Variants in DR1 observed in about 807,000 individuals in gnomAD.
DR1 encodes the protein down-regulator of transcription 1.
DR1 carries 7 observed loss-of-function variants against 19.9 expected under a neutral mutation model. The observed-to-expected ratio is 0.35, with a 90% CI of 0.20 to 0.66. The LOEUF (loss-of-function observed/expected upper bound fraction) is 0.66. DR1 is among the 30% of genes least tolerant of loss of function. DR1 has a pLI of 0.66. For synonymous variants in DR1, 76 were observed against 72.5 expected, an observed-to-expected ratio of 1.05 and a Z score of -0.24; for missense variants, 98 against 203.7, an observed-to-expected ratio of 0.48 and a Z score of 3.16.
chr1:93,357,149 C>A (rs1021311216), intron 2 of DR1, among the ~76,000 whole-genome samples: 4 of 152,160 alleles, frequency 2.6e-5, no homozygotes, highest in Admixed American at 2.6e-4. Flanking sequence ...GGATGACAGT[C>A]ATTATTAGGG....
chr1:93,364,341 G>A lies in DR1; in HGVS notation c.*3702G>A, dbSNP rs573845483. On this transcript the variant is annotated 3_prime_UTR_variant, in exon 3 of 3. Coordinates refer to ENST00000370272, the MANE Select transcript of DR1 (RefSeq NM_001938.3). ...TTTAAGTAATCGTAAGTAGTATGTT[G>A]AATTAGTATGTTGTGGGAAAATCTG... The A allele has an allele frequency of 2.0e-5, 3 of 152,132 alleles. No homozygotes were observed. Among genetic ancestry groups the A allele is most frequent in the Non-Finnish European group, 4.4e-5 (3 of 68,018 alleles). The allele number at this position is 152,132 out of a possible 1,614,324, so 9.4% of individuals were successfully genotyped here.
chr1:93,346,402 G>A lies in DR1; in HGVS notation c.-244G>A. 2 of 527,566 alleles carry A rather than the reference G, an allele frequency of 3.8e-6. No homozygotes were observed. The highest frequency in any genetic ancestry group is 3.4e-6 in the Non-Finnish European group (1 of 292,142). 32.7% of individuals were successfully genotyped at this position (527,566 alleles called of 1,614,324 possible). A position where few individuals can be genotyped will look rare whatever the true frequency, so the allele number is the denominator to read the frequency against. ...CACCGCGCTTTCCCCTCCTCAGCCT[G>A]GGCTGTGCTCTCTCTAGAATCCTCG... On this transcript the variant is annotated 5_prime_UTR_variant, in exon 1 of 3. Coordinates refer to ENST00000370272, the MANE Select transcript of DR1 (RefSeq NM_001938.3).
At chr1:93,355,856 T>C (rs1415188587) in intron 2 of DR1, 2 of 152,192 alleles carry the variant, frequency 1.3e-5, no homozygotes, top group African/African-American at 2.4e-5. Context: ...AGTAAATATA[T>C]CTTTTTTATC....
intron 2 of DR1, among the ~76,000 whole-genome samples, chr1:93,354,789 C>T (rs2101637542): frequency 6.6e-6 from 1 of 152,266 alleles, no homozygotes; most frequent in South Asian, 2.1e-4. Context: ...GCTGATCTCT[C>T]TGCAGCCATA....
chr1:93,358,361 G>A (rs939117202), intron 2 of DR1, among the ~76,000 whole-genome samples: 7 of 152,126 alleles, frequency 4.6e-5, no homozygotes, highest in Non-Finnish European at 8.8e-5. Flanking sequence ...GATGGAGGAA[G>A]AGAAAGGGTT....
In DR1 at chr1:93,353,945, A is replaced by G; in HGVS notation, c.258A>G (p.Glu86=). The G allele has an allele frequency of 6.2e-7, 1 of 1,611,504 alleles. No homozygotes were observed. The highest frequency in any genetic ancestry group is 1.1e-5 in the South Asian group (1 of 90,316). The change falls in exon 2 of 3, where the codon GAA becomes GAG. Residue 86 remains glutamate (E), a synonymous_variant. Coordinates refer to ENST00000370272, the MANE Select transcript of DR1 (RefSeq NM_001938.3). ...TGGGATTTGGCTCTTACATCAGTGA[A>G]GTAAAAGAAGTCTTGCAAGAGTGTA... ...ESLGFGSYIS[E]VKEVLQECKT...
rs945357512 is a variant in DR1, at chr1:93,368,446, T to G, written c.*7807T>G. The G allele has an allele frequency of 5.9e-5, 9 of 152,162 alleles. No individual in the cohort carries two copies. Among genetic ancestry groups the G allele is most frequent in the South Asian group, 2.1e-4 (1 of 4,822 alleles). The allele number at this position is 152,162 out of a possible 1,614,324, so 9.4% of individuals were successfully genotyped here. On this transcript the variant is annotated 3_prime_UTR_variant, in exon 3 of 3. Coordinates refer to ENST00000370272, the MANE Select transcript of DR1 (RefSeq NM_001938.3). ...GGAATTGGGAGTGGAAGGAGAGAGA[T>G]AGTATTAGAAAGTATGTATGCAGCA... is the stretch of plus-strand genomic sequence containing the variant.
chr1:93,360,454 T>G, intron 2 of DR1, 39 bp from the exon 3 acceptor site: 1 of 1,517,454 alleles, frequency 6.6e-7, no homozygotes, highest in Non-Finnish European at 8.8e-7. Flanking sequence ...TGTGGGTTTG[T>G]AAAAAATTGT....
chr1:93,367,879 G>A lies in DR1; in HGVS notation c.*7240G>A, dbSNP rs1005173524. The A allele has an allele frequency of 6.6e-6, 1 of 152,194 alleles. No homozygotes were observed. Among genetic ancestry groups the A allele is most frequent in the African/African-American group, 2.4e-5 (1 of 41,410 alleles). 9.4% of individuals were successfully genotyped at this position (152,194 alleles called of 1,614,324 possible). A position where few individuals can be genotyped will look rare whatever the true frequency, so the allele number is the denominator to read the frequency against. On this transcript the variant is annotated 3_prime_UTR_variant, in exon 3 of 3. Transcript: ENST00000370272. ...TACAAAAAATTAGCCAGGCTTGGTG[G>A]TGTGCACCTGTAGTCCCAGCTACTT...
At chr1:93,350,993 G>A (rs1375125128) in intron 1 of DR1, among the ~76,000 whole-genome samples, 1 of 152,062 alleles carries the variant, frequency 6.6e-6, no homozygotes, top group Admixed American at 6.5e-5. Flanking sequence ...AATAAGAATG[G>A]CCCTCTAGTA....
At chr1:93,352,235 AT>A (rs1040002529) in intron 1 of DR1, among the ~76,000 whole-genome samples, 29 of 151,888 alleles carry the variant, frequency 1.9e-4, no homozygotes, top group Admixed American at 3.3e-4. Context: ...ACGCCGGCCA[AT>A]TTTTTTTGTA....
At position 93,366,844 on chromosome 1, in the gene DR1, A is replaced by G. The variant is rs1017281499; in HGVS notation, c.*6205A>G. On this transcript the variant is annotated 3_prime_UTR_variant, in exon 3 of 3. Transcript: ENST00000370272. ...TGGTGAAACCCGTCTCTACAGAAAA[A>G]TTCAAAAATTAGCCAGAGGTGGTGG... 2.0e-5 allele frequency: 3 copies of G among 152,070 alleles called. No homozygotes were observed. In the South Asian group the frequency reaches 6.2e-4, roughly 32 times the overall value. The allele number at this position is 152,070 out of a possible 1,614,324, so 9.4% of individuals were successfully genotyped here. A position where few individuals can be genotyped will look rare whatever the true frequency, so the allele number is the denominator to read the frequency against.
Position 93,367,173 on chromosome 1 carries a change from A to G in DR1, c.*6534A>G, listed in dbSNP as rs1279680354. The G allele has an allele frequency of 6.6e-6, 1 of 151,958 alleles. No homozygotes were observed. The highest frequency in any genetic ancestry group is 1.5e-5 in the Non-Finnish European group (1 of 68,028). 9.4% of individuals were successfully genotyped at this position (151,958 alleles called of 1,614,324 possible). ...TCAAAAAAAAAAAAAAAAAGTAAAA[A>G]TTATTTACCCAATATTTGGCGAATC... is the stretch of plus-strand genomic sequence containing the variant. On this transcript the variant is annotated 3_prime_UTR_variant, in exon 3 of 3. Coordinates refer to ENST00000370272, the MANE Select transcript of DR1 (RefSeq NM_001938.3).
rs748720672 is a variant in DR1, at chr1:93,361,493, G to T, written c.*854G>T. ...TGAAACAATTACATTGGTTCTCTTG[G>T]TTTAACTGAGGTTTATGAATATTCA... On this transcript the variant is annotated 3_prime_UTR_variant, in exon 3 of 3. Transcript: ENST00000370272. The T allele has an allele frequency of 1.3e-5, 2 of 152,398 alleles. No individual in the cohort carries two copies. The highest frequency in any genetic ancestry group is 2.9e-5 in the Non-Finnish European group (2 of 67,944). The allele number at this position is 152,398 out of a possible 1,614,324, so 9.4% of individuals were successfully genotyped here.
intron 2 of DR1, among the ~76,000 whole-genome samples, chr1:93,357,641 A>T (rs1229300844): frequency 6.6e-6 from 1 of 151,912 alleles, no homozygotes. Flanking sequence ...AAATTCAGTA[A>T]TTTTTTTTCC....
intron 1 of DR1, among the ~76,000 whole-genome samples, chr1:93,351,526 C>A (rs1240145770): frequency 6.7e-6 from 1 of 150,212 alleles, no homozygotes; most frequent in Non-Finnish European, 1.5e-5. Context: ...AGCTCTGCCT[C>A]CCGGGTTCAA....
chr1:93,350,933 T>C (rs975319096), intron 1 of DR1, among the ~76,000 whole-genome samples: 15 of 152,210 alleles, frequency 9.9e-5, no homozygotes, highest in African/African-American at 3.6e-4. Context: ...GCATTACTAC[T>C]GTCTGCCAGA....
rs1416620329 is a variant in DR1 at position 93,360,862 on chromosome 1, A to G, written c.*223A>G. 4 of 459,638 alleles carry G rather than the reference A, an allele frequency of 8.7e-6. No homozygotes were observed. Among genetic ancestry groups the G allele is most frequent in the Non-Finnish European group, 1.1e-5 (3 of 268,824 alleles). The allele number at this position is 459,638 out of a possible 1,614,324, so 28.5% of individuals were successfully genotyped here. A position where few individuals can be genotyped will look rare whatever the true frequency, so the allele number is the denominator to read the frequency against. ...AGGTTCAGTATAATATCAATTTTGA[A>G]TTTTTAATGGTGTTTATGAAATTTT... On this transcript the variant is annotated 3_prime_UTR_variant, in exon 3 of 3. Coordinates refer to ENST00000370272, the MANE Select transcript of DR1 (RefSeq NM_001938.3).
chr1:93,355,837 G>A (rs1165468942), intron 2 of DR1: 2 of 152,164 alleles, frequency 1.3e-5, no homozygotes, highest in Non-Finnish European at 2.9e-5. Context: ...AAATATGAAA[G>A]AGTGGATAAG....
Sources: gnomAD v4.1 joint callset for allele counts (sites outside exome capture counted in the v4.1 genomes callset) on GRCh38, gnomAD v4.1.1 for gene constraint, MANE v1.5 for transcripts, NCBI Gene and HGNC (gene_info 2026-07-23, HGNC 2026-07-21) for gene names.